Variants in ADARB2 observed in about 807,000 individuals in gnomAD.
ADARB2 encodes adenosine deaminase RNA specific B2 (inactive).
A neutral mutation model predicts 62.2 loss-of-function variants in ADARB2; 25 were observed. That is an observed-to-expected ratio of 0.40 (90% CI 0.29 to 0.56). The LOEUF (loss-of-function observed/expected upper bound fraction) is 0.56, where lower values mean the gene tolerates loss of function less well. Among genes scored for constraint, ADARB2 ranks in the 20% least tolerant of loss-of-function variants. The pLI, the probability that ADARB2 is intolerant of heterozygous loss-of-function variation, is 0.43. For synonymous variants in ADARB2, 572 were observed against 500.8 expected (o/e 1.14, Z -1.90); for missense variants, 1,071 against 1,077.4 (o/e 0.99, Z 0.08).
intron 6 of ADARB2, among the ~76,000 whole-genome samples, 190 bp downstream of exon 6, chr10:1,233,504 C>T (rs4880800): frequency 0.36 from 53,978 of 151,998 alleles, 10,095 homozygotes; most frequent in East Asian, 0.56. Context: ...TTCTGCCAAT[C>T]ACTTGAGCAT....
chr10:1,189,386 A>C (rs1836806509), intron 8 of ADARB2, among the ~76,000 whole-genome samples: 1 of 151,932 alleles, frequency 6.6e-6, no homozygotes, highest in Admixed American at 6.6e-5. Flanking sequence ...TGGGTTTCGA[A>C]AGGGTTGAAG....
At chr10:1,342,011 T>C (rs1832034338) in intron 3 of ADARB2, among the ~76,000 whole-genome samples, 1 of 152,256 alleles carries the variant, frequency 6.6e-6, no homozygotes, top group African/African-American at 2.4e-5. Context: ...TCATTGATCA[T>C]GGTATTGCTA....
At chr10:1,400,792 G>A (rs925523360) in intron 1 of ADARB2, among the ~76,000 whole-genome samples, 7 of 152,178 alleles carry the variant, frequency 4.6e-5, no homozygotes, top group Admixed American at 1.3e-4. Flanking sequence ...TTTGTAAAAA[G>A]GCGTGGCATG....
chr10:1,200,727 A>G (rs932912581), intron 7 of ADARB2, among the ~76,000 whole-genome samples: 2 of 152,202 alleles, frequency 1.3e-5, no homozygotes, highest in Admixed American at 6.5e-5. Flanking sequence ...TGCTTCCTCA[A>G]GCAAAAATGC....
At chr10:1,458,292 T>G (rs1401767066) in intron 1 of ADARB2, among the ~76,000 whole-genome samples, 1 of 152,134 alleles carries the variant, frequency 6.6e-6, no homozygotes, top group East Asian at 1.9e-4. Flanking sequence ...AAGCTTGCAG[T>G]TGCTGTCAAT....
intron 1 of ADARB2, among the ~76,000 whole-genome samples, chr10:1,691,472 C>T (rs578252544): frequency 3.3e-5 from 5 of 152,254 alleles, no homozygotes; most frequent in African/African-American, 7.2e-5. Flanking sequence ...GCACTTGGAC[C>T]TATGACATCC....
At chr10:1,419,510 C>T (rs555737094) in intron 1 of ADARB2, among the ~76,000 whole-genome samples, 25 of 152,134 alleles carry the variant, frequency 1.6e-4, no homozygotes, top group Admixed American at 9.2e-4. Context: ...CTATGTAAAC[C>T]GAGTTATAGC....
At chr10:1,629,530 C>G (rs1833816502) in intron 1 of ADARB2, among the ~76,000 whole-genome samples, 2 of 130,020 alleles carry the variant, frequency 1.5e-5, no homozygotes, top group East Asian at 2.8e-4. Flanking sequence ...GTGCCCAAGT[C>G]CCCCCAGTAC....
intron 1 of ADARB2, among the ~76,000 whole-genome samples, chr10:1,666,187 G>T (rs72766748): frequency 6.6e-6 from 1 of 152,222 alleles, no homozygotes; most frequent in Non-Finnish European, 1.5e-5. Flanking sequence ...GCATAGAACC[G>T]GGAGGGAGAG....
intron 3 of ADARB2, among the ~76,000 whole-genome samples, chr10:1,338,891 C>G (rs1831997565): frequency 6.6e-6 from 1 of 152,144 alleles, no homozygotes; most frequent in Admixed American, 6.5e-5. Context: ...TCACTCACCC[C>G]AACATTTGTC....
chr10:1,690,995 C>T lies in ADARB2; in HGVS notation c.100+46056G>A, dbSNP rs534500066. ...CGCTGTGCCCCTTTCCTTCTGGGTGCGGGTGACCCAACCCCTCTGCTATTA... is the reference window on the plus strand; with the variant it reads ...CGCTGTGCCCCTTTCCTTCTGGGTGTGGGTGACCCAACCCCTCTGCTATTA... On this transcript the variant is annotated intron_variant, in intron 1 of 9. Transcript: ENST00000381312. 9.9e-5 allele frequency among the ~76,000 whole-genome samples: 15 copies of T among 152,248 alleles called. No homozygotes were observed. The East Asian group carries it at 2.3e-3, about 24-fold the overall frequency.
At chr10:1,554,353 C>T (rs562594751) in intron 1 of ADARB2, among the ~76,000 whole-genome samples, 50 of 152,326 alleles carry the variant, frequency 3.3e-4, no homozygotes, top group African/African-American at 1.0e-3. Context: ...CTGGTTTAAA[C>T]GCAGAGAGTC....
intron 2 of ADARB2, among the ~76,000 whole-genome samples, chr10:1,366,640 G>A (rs1228880368): frequency 6.6e-6 from 1 of 152,140 alleles, no homozygotes; most frequent in Admixed American, 6.5e-5. Flanking sequence ...CCTAGGCATC[G>A]GATCACCCTC....
chr10:1,422,069 G>C (rs540276957), intron 1 of ADARB2, among the ~76,000 whole-genome samples: 1 of 152,264 alleles, frequency 6.6e-6, no homozygotes, highest in South Asian at 2.1e-4. Context: ...CCCAACAATG[G>C]GCAACATCCC....
chr10:1,691,920 T>TGTGTGC (rs1554781387), intron 1 of ADARB2, among the ~76,000 whole-genome samples: 1 of 150,958 alleles, frequency 6.6e-6, no homozygotes, highest in African/African-American at 2.4e-5. Context: ...TGTGTGTGTG[T>TGTGTGC]GCACGCATGC....
intron 1 of ADARB2, among the ~76,000 whole-genome samples, chr10:1,593,462 C>G (rs1398391692): frequency 3.3e-5 from 5 of 152,264 alleles, no homozygotes; most frequent in African/African-American, 1.2e-4. Context: ...GTGCCCAATA[C>G]TCTTGAGTTT....
At chr10:1,621,946 A>G (rs1035192815) in intron 1 of ADARB2, among the ~76,000 whole-genome samples, 9 of 152,334 alleles carry the variant, frequency 5.9e-5, no homozygotes, top group African/African-American at 2.2e-4. Context: ...TAAAGAAAGA[A>G]AAAGGTTGGA....
At chr10:1,464,480 C>CAT (rs1283706121) in intron 1 of ADARB2, among the ~76,000 whole-genome samples, 2 of 76,830 alleles carry the variant, frequency 2.6e-5, no homozygotes, top group African/African-American at 8.7e-5. Flanking sequence ...CCCCCACACA[C>CAT]GTGCTGGGGG....
At chr10:1,527,193 C>T (rs941179916) in intron 1 of ADARB2, among the ~76,000 whole-genome samples, 1 of 152,302 alleles carries the variant, frequency 6.6e-6, no homozygotes, top group Non-Finnish European at 1.5e-5. Flanking sequence ...CTACAGTGCT[C>T]GCCACAGAAT....
Sources: allele counts gnomAD v4.1 joint callset (sites outside exome capture counted in the v4.1 genomes callset), GRCh38; gene constraint gnomAD v4.1.1; transcripts MANE v1.5; gene names NCBI Gene and HGNC (gene_info 2026-07-23, HGNC 2026-07-21).